ZNF568: variants seen among roughly 807,000 people sequenced by gnomAD.
ZNF568 encodes the protein p53 inhibitor of SCO2 activation.
Under a neutral mutation model 18.1 loss-of-function variants are expected in ZNF568, and 11 were observed. The observed-to-expected ratio is 0.61, with a 90% CI of 0.38 to 1.00. ZNF568 has a LOEUF of 1.00. ZNF568 is among the 50% of genes least tolerant of loss of function. ZNF568 has a pLI of 0.01. For missense variants in ZNF568, 639 were observed against 768.2 expected (o/e 0.83, Z 1.99); for synonymous variants, 213 against 246.6 (o/e 0.86, Z 1.28).
exon 8 of ZNF568, chr19:36,979,854 T>A (rs1434397219): frequency 6.6e-6 from 1 of 152,212 alleles, no homozygotes; most frequent in Non-Finnish European, 1.5e-5. Context: ...ACTATTCCTT[T>A]TACTTCGTAT....
chr19:36,937,042 C>T (rs2073802085), intron 5 of ZNF568, 105 bp from the exon 6 acceptor site: 1 of 1,368,370 alleles, frequency 7.3e-7, no homozygotes, highest in Admixed American at 2.1e-5. Context: ...TGTGTAAGTT[C>T]ATTCATCCTC....
At chr19:36,944,028 A>G (rs1318032900) in intron 6 of ZNF568, among the ~76,000 whole-genome samples, 4 of 152,074 alleles carry the variant, frequency 2.6e-5, no homozygotes, top group Non-Finnish European at 1.5e-5. Flanking sequence ...TCTGAGGATT[A>G]TGGTTGCTCT....
chr19:36,948,882 G>T (rs1279522341), intron 6 of ZNF568, among the ~76,000 whole-genome samples: 6 of 151,972 alleles, frequency 3.9e-5, no homozygotes, highest in Non-Finnish European at 8.8e-5. Flanking sequence ...TGAGCGCCTA[G>T]ATTCTCCAAT....
intron 4 of ZNF568, among the ~76,000 whole-genome samples, chr19:36,928,005 C>T (rs1298317392): frequency 6.9e-6 from 1 of 144,528 alleles, no homozygotes; most frequent in Admixed American, 7.0e-5. Context: ...ACCTCCACCT[C>T]CCGGGTTTAA....
chr19:36,916,974 C>T lies in ZNF568; in HGVS notation c.-256+383C>T, dbSNP rs1431417168. Among the ~76,000 whole-genome samples, 1 of 152,072 alleles carries T rather than the reference C, an allele frequency of 6.6e-6. No homozygotes were observed. The highest frequency in any genetic ancestry group is 1.5e-5 in the Non-Finnish European group (1 of 68,012). On this transcript the variant is annotated intron_variant, in intron 1 of 6. Transcript: ENST00000333987. The surrounding 1 kb of genome is among the most constrained non-coding windows in gnomAD (Gnocchi z 5.3). The stretch of plus-strand genomic sequence containing the variant: ...TAGCCCTTGGCCCTTTGTAATTTTC[C>T]ACTATTCCTTGGCGAACTTTTCAGG...
intron 6 of ZNF568, among the ~76,000 whole-genome samples, chr19:36,948,777 T>C (rs141315480): frequency 1.3e-3 from 196 of 152,054 alleles, no homozygotes; most frequent in African/African-American, 3.9e-3. Flanking sequence ...TATTTCCTTT[T>C]CTTGTTATTG....
intron 6 of ZNF568, among the ~76,000 whole-genome samples, chr19:36,941,393 T>C (rs2073877100): frequency 6.6e-6 from 1 of 152,210 alleles, no homozygotes; most frequent in Admixed American, 6.5e-5. Context: ...TAACACACTG[T>C]GGTGAATCAA....
Position 36,949,794 on chromosome 19 carries a change from G to A in ZNF568, c.641G>A (p.Cys214Tyr), listed in dbSNP as rs755855502. The change falls in exon 7 of 7, where the codon TGT (cysteine) becomes TAT (tyrosine). Residue 214 changes from cysteine (C) to tyrosine (Y), a missense_variant. Coordinates refer to ENST00000333987, the MANE Select transcript of ZNF568 (RefSeq NM_198539.4). The stretch of plus-strand genomic sequence containing the variant: ...GAGTTTGGGAAACCATTTTACCATT[G>A]TGCATCCTATGTTGTAACCCCCTTT... Reference protein sequence around the residue: ...SNEFGKPFYHCASYVVTPFKC... With the variant: ...SNEFGKPFYHYASYVVTPFKC... 2 of 1,613,934 alleles carry A rather than the reference G, an allele frequency of 1.2e-6. No homozygotes were observed. Among genetic ancestry groups the A allele is most frequent in the Non-Finnish European group, 1.7e-6 (2 of 1,179,922 alleles).
At chr19:36,981,254 G>C (rs897359841), downstream of ZNF568, among the ~76,000 whole-genome samples, 3 of 152,208 alleles carry the variant, frequency 2.0e-5, no homozygotes, top group African/African-American at 4.8e-5. Flanking sequence ...TATTTGGTAA[G>C]TCACATGCCT....
At chr19:36,982,111 G>A (rs2074336587), downstream of ZNF568, among the ~76,000 whole-genome samples, 1 of 151,836 alleles carries the variant, frequency 6.6e-6, no homozygotes, top group Admixed American at 6.6e-5. Flanking sequence ...GATACTTTTT[G>A]GTTGTAAATA....
intron 6 of ZNF568, among the ~76,000 whole-genome samples, chr19:36,938,867 A>G (rs1458966105): frequency 6.6e-6 from 1 of 152,198 alleles, no homozygotes; most frequent in African/African-American, 2.4e-5. Context: ...TTGATCAATC[A>G]GTATCAGTTT....
intron 2 of ZNF568, among the ~76,000 whole-genome samples, chr19:36,986,632 C>T (rs372335346): frequency 6.6e-6 from 1 of 152,068 alleles, no homozygotes; most frequent in Non-Finnish European, 1.5e-5. Flanking sequence ...TTTTTTTCCC[C>T]CCTCCGTGAC....
Position 36,974,335 on chromosome 19 carries a change from G to C in ZNF568, c.359-85G>C, listed in dbSNP as rs868483824. Reference sequence around the variant, plus strand: ...TCTTTGGTCTCCCTTTCAGTGCCTGGGGTGGGGCAGGAGTTTGGCCTCCCA... The same window carrying C: ...TCTTTGGTCTCCCTTTCAGTGCCTGCGGTGGGGCAGGAGTTTGGCCTCCCA... On this transcript the variant is annotated intron_variant, in intron 6 of 7. Coordinates refer to the ZNF568 transcript ENST00000427117. 6 of 1,175,502 alleles carry C rather than the reference G, an allele frequency of 5.1e-6. 1 individual carries two copies. In the Middle Eastern group the frequency reaches 7.6e-4, roughly 150 times the overall value. The allele number at this position is 1,175,502 out of a possible 1,614,324, so 72.8% of individuals were successfully genotyped here. A position where few individuals can be genotyped will look rare whatever the true frequency, so the allele number is the denominator to read the frequency against.
In ZNF568 at chr19:36,950,266, T is replaced by A. The variant is rs759403989; in HGVS notation, c.1113T>A (p.Phe371Leu). The A allele has an allele frequency of 5.0e-6, 8 of 1,613,958 alleles. No homozygotes were observed. The Admixed American group carries it at 1.3e-4, about 27-fold the overall frequency. The stretch of plus-strand genomic sequence containing the variant: ...CATGTAATGAATGTGGTAGAGCTTT[T>A]TCTCGAATGTCATCTGTTACGCTAC... ...PYACNECGRAFSRMSSVTLHM... is the reference protein window; with the variant it reads ...PYACNECGRALSRMSSVTLHM... The change falls in exon 7 of 7, where the codon TTT becomes TTA. Residue 371 changes from phenylalanine to leucine, a missense_variant. Transcript: ENST00000333987.
intron 2 of ZNF568, among the ~76,000 whole-genome samples, chr19:36,985,999 A>G (rs866836697): frequency 6.6e-6 from 1 of 152,068 alleles, no homozygotes; most frequent in Admixed American, 6.6e-5. Flanking sequence ...GGCCTGATTG[A>G]AGGTTGTTCC....
In ZNF568 at chr19:36,932,083, T is replaced by C. The variant is rs1012652032; in HGVS notation, c.136-4663T>C. 2.0e-5 allele frequency among the ~76,000 whole-genome samples: 3 copies of C among 152,244 alleles called. No individual in the cohort carries two copies. In the East Asian group the frequency reaches 5.8e-4, roughly 29 times the overall value. ...ACGAGTACTTTTTATTTCTGAATAATATTCTCTTGTAGGGATATACCACAT... is the reference window on the plus strand; with the variant it reads ...ACGAGTACTTTTTATTTCTGAATAACATTCTCTTGTAGGGATATACCACAT... On this transcript the variant is annotated intron_variant, in intron 4 of 6. Transcript: ENST00000333987.
chr19:36,990,467 T>C (rs546620848), intron 2 of ZNF568, among the ~76,000 whole-genome samples: 1 of 152,218 alleles, frequency 6.6e-6, no homozygotes, highest in South Asian at 2.1e-4. Context: ...ATACAAAAAT[T>C]AGCCAGATGT....
chr19:36,926,695 T>C (rs1487959716), intron 4 of ZNF568, among the ~76,000 whole-genome samples: 6 of 152,238 alleles, frequency 3.9e-5, no homozygotes, highest in Admixed American at 2.6e-4. Flanking sequence ...CCCACAGATA[T>C]GGAGAACCAA....
At position 36,950,876 on chromosome 19, in the gene ZNF568, C is replaced by T. The variant is rs1428759515; in HGVS notation, c.1723C>T (p.Leu575Phe). The change falls in exon 7 of 7, where the codon CTT (leucine) becomes TTT (phenylalanine). Residue 575 changes from leucine (L) to phenylalanine (F), a missense_variant. By Grantham distance (22) the Leu-to-Phe change is conservative (BLOSUM62 0). Coordinates refer to ENST00000333987, the MANE Select transcript of ZNF568 (RefSeq NM_198539.4). The part of the protein sequence containing the change: ...KAFSRISSLT[L>F]HVRSHTGEKP... ...CTTCTCTCGAATCTCATCCCTCACTCTTCATGTGAGAAGTCACACAGGGGA... is the reference window on the plus strand; with the variant it reads ...CTTCTCTCGAATCTCATCCCTCACTTTTCATGTGAGAAGTCACACAGGGGA... 1 of 1,612,448 alleles carries T rather than the reference C, an allele frequency of 6.2e-7. No homozygotes were observed. Among genetic ancestry groups the T allele is most frequent in the Non-Finnish European group, 8.5e-7 (1 of 1,179,462 alleles).
Sources: gnomAD v4.1 joint callset for allele counts (sites outside exome capture counted in the v4.1 genomes callset) on GRCh38, gnomAD v4.1.1 for gene constraint, Gnocchi (gnomAD v3.1) non-coding constraint, MANE v1.5 for transcripts, NCBI Gene and HGNC (gene_info 2026-07-23, HGNC 2026-07-21) for gene names.